DPP8: variants seen among roughly 807,000 people sequenced by gnomAD.
DPP8 encodes DPP VIII.
A neutral mutation model predicts 107.5 loss-of-function variants in DPP8; 31 were observed. That is an observed-to-expected ratio of 0.29 (90% confidence interval 0.22 to 0.39). DPP8 has a LOEUF of 0.39. Among genes scored for constraint, DPP8 ranks in the 10% least tolerant of loss-of-function variants. DPP8 has a pLI of 1.00. For synonymous variants in DPP8, 381 were observed against 356.6 expected, an observed-to-expected ratio of 1.07 and a Z score of -0.77; for missense variants, 842 against 1,076.1, an observed-to-expected ratio of 0.78 and a Z score of 3.04.
At chr15:65,476,230 G>A (rs1343981321) in intron 11 of DPP8, among the ~76,000 whole-genome samples, 2 of 151,904 alleles carry the variant, frequency 1.3e-5, no homozygotes, top group South Asian at 2.1e-4. Flanking sequence ...AGGGTTCCAC[G>A]TAAGTTTAAA....
intron 15 of DPP8, 142 bp downstream of exon 15, chr15:65,463,619 T>C: frequency 1.6e-6 from 1 of 609,304 alleles, no homozygotes; most frequent in South Asian, 2.4e-5. Flanking sequence ...CTAAACTGAA[T>C]AATTGGAATA....
At chr15:65,455,068 G>C (rs911992156) in intron 16 of DPP8, among the ~76,000 whole-genome samples, 3 of 152,076 alleles carry the variant, frequency 2.0e-5, no homozygotes, top group African/African-American at 7.2e-5. Flanking sequence ...CATCTTCCTT[G>C]TAACAAGCCT....
chr15:65,450,450 T>C (rs1467582748), intron 19 of DPP8, among the ~76,000 whole-genome samples: 1 of 152,126 alleles, frequency 6.6e-6, no homozygotes, highest in African/African-American at 2.4e-5. Flanking sequence ...TCAACTGAAA[T>C]GTTAAAAAGG....
At chr15:65,456,164 C>A (rs920658789) in intron 16 of DPP8, 61 bp downstream of exon 16, 2 of 1,567,720 alleles carry the variant, frequency 1.3e-6, no homozygotes, top group African/African-American at 1.4e-5. Context: ...GGGTTTCACA[C>A]CAAACAATGG....
At chr15:65,448,882 ATATATATATATATATATATATAT>A (rs2063728468) in intron 19 of DPP8, among the ~76,000 whole-genome samples, 1 of 22,412 alleles carries the variant, frequency 4.5e-5, no homozygotes, top group African/African-American at 2.3e-4. Context: ...ATATATATAT[ATATATATATATATATATATATAT>A]ATATATATAT....
In DPP8 at chr15:65,466,296, G is replaced by A. The variant is rs369060731; in HGVS notation, c.1825+382C>T. Among the ~76,000 whole-genome samples, 23 of 151,802 alleles carry A rather than the reference G, an allele frequency of 1.5e-4. No individual in the cohort carries two copies. The East Asian group carries it at 3.7e-3, about 24-fold the overall frequency. On this transcript the variant is annotated intron_variant, in intron 14 of 19. Coordinates refer to ENST00000300141, the MANE Select transcript of DPP8 (RefSeq NM_130434.5). ...TGGGACAACAGGCACACAGCACCAC[G>A]CCCAGCTAATATTTGTATTTTTAGT... is the stretch of plus-strand genomic sequence containing the variant.
At chr15:65,488,597 C>T (rs2067669082) in intron 6 of DPP8, among the ~76,000 whole-genome samples, 1 of 120,722 alleles carries the variant, frequency 8.3e-6, no homozygotes, top group South Asian at 2.5e-4. Context: ...AACAGAGACC[C>T]TGCCTCAAAA....
At chr15:65,499,076 T>TGA (rs2068901941) in intron 4 of DPP8, among the ~76,000 whole-genome samples, 1 of 93,300 alleles carries the variant, frequency 1.1e-5, no homozygotes, top group Non-Finnish European at 2.3e-5. Context: ...AAAAAGTGTG[T>TGA]GTGTGTGTGT....
chr15:65,456,723 C>G (rs1172300459), intron 15 of DPP8, among the ~76,000 whole-genome samples: 1 of 152,152 alleles, frequency 6.6e-6, no homozygotes, highest in Non-Finnish European at 1.5e-5. Context: ...ATAAGAAAAA[C>G]TTTCCTCCCC....
At chr15:65,463,496 T>G (rs1293520533) in intron 15 of DPP8, among the ~76,000 whole-genome samples, 3 of 151,414 alleles carry the variant, frequency 2.0e-5, no homozygotes, top group African/African-American at 7.3e-5. Flanking sequence ...GAGCCGACAT[T>G]GCGCCATTGT....
At chr15:65,449,524 C>T (rs911521332) in intron 19 of DPP8, among the ~76,000 whole-genome samples, 19 of 151,968 alleles carry the variant, frequency 1.3e-4, no homozygotes, top group Admixed American at 9.2e-4. Context: ...ATTCTCATGC[C>T]TCAGCTTCCT....
In DPP8 at chr15:65,498,093, C is replaced by T. The variant is rs971201114; in HGVS notation, c.547-61G>A. On this transcript the variant is annotated intron_variant, in intron 4 of 19. Transcript: ENST00000300141. ...GGCTGACACATACATGTTCCAGCAC[C>T]CTTCCTATAAGATGAACAATATTTC... The T allele has an allele frequency of 2.4e-6, 3 of 1,232,384 alleles. No individual in the cohort carries two copies. In the African/African-American group the frequency reaches 4.5e-5, roughly 19 times the overall value. The allele number at this position is 1,232,384 out of a possible 1,614,324, so 76.3% of individuals were successfully genotyped here.
intron 12 of DPP8, among the ~76,000 whole-genome samples, chr15:65,470,863 A>G (rs1471014246): frequency 2.6e-5 from 4 of 151,740 alleles, no homozygotes; most frequent in Non-Finnish European, 5.9e-5. Context: ...AAGTTGCAGT[A>G]AGCTGAGATC....
intron 4 of DPP8, among the ~76,000 whole-genome samples, chr15:65,498,897 T>A (rs952989608): frequency 2.6e-5 from 4 of 151,712 alleles, no homozygotes; most frequent in Admixed American, 6.6e-5. Flanking sequence ...CTAAAAAAAA[T>A]TTTTTAAATT....
At chr15:65,480,749 G>A (rs1419864792) in intron 9 of DPP8, among the ~76,000 whole-genome samples, 10 of 152,204 alleles carry the variant, frequency 6.6e-5, no homozygotes, top group South Asian at 6.2e-4. Flanking sequence ...AGTAAGCTAC[G>A]ATCATGCCAC....
intron 17 of DPP8, among the ~76,000 whole-genome samples, chr15:65,453,434 C>T (rs752187340): frequency 8.0e-5 from 12 of 150,912 alleles, no homozygotes; most frequent in East Asian, 3.9e-4. Flanking sequence ...GAAAAATATA[C>T]ACACACACAC....
chr15:65,504,609 C>G (rs2069707231), intron 3 of DPP8, among the ~76,000 whole-genome samples: 1 of 138,606 alleles, frequency 7.2e-6, no homozygotes, highest in South Asian at 2.3e-4. Context: ...GCGGAGGTTG[C>G]AGTGAGCTGA....
At position 65,454,435 on chromosome 15, in the gene DPP8, AT is replaced by A; in HGVS notation, c.2119-21del. ...TTGACCCTGTCAAAAAAGGGAGAAC[AT>A]TTCACTGATTCTGATGAATAAAAGT... On this transcript the variant is annotated intron_variant, in intron 16 of 19. Transcript: ENST00000300141. 1 of 1,577,868 alleles carries A rather than the reference AT, an allele frequency of 6.3e-7. No homozygotes were observed. The highest frequency in any genetic ancestry group is 8.6e-7 in the Non-Finnish European group (1 of 1,166,696).
intron 2 of DPP8, among the ~76,000 whole-genome samples, chr15:65,509,638 C>T (rs761953048): frequency 2.0e-5 from 3 of 152,136 alleles, no homozygotes; most frequent in Admixed American, 6.6e-5. Context: ...GCTAATGTAA[C>T]GAAATGCTTG....
Sources: gnomAD v4.1 joint callset for allele counts (sites outside exome capture counted in the v4.1 genomes callset) on GRCh38, gnomAD v4.1.1 for gene constraint, MANE v1.5 for transcripts, NCBI Gene and HGNC (gene_info 2026-07-23, HGNC 2026-07-21) for gene names.